NCALD: variants seen among roughly 807,000 people sequenced by gnomAD.
NCALD encodes the protein neurocalcin delta.
A neutral mutation model predicts 18.6 loss-of-function variants in NCALD; 10 were observed. The ratio of observed to expected loss-of-function variants is 0.54; its 90% confidence interval spans 0.33 to 0.91. The LOEUF (loss-of-function observed/expected upper bound fraction) is 0.91. Ranked by LOEUF, NCALD falls within the 40% of genes least tolerant of loss-of-function variation. The pLI, the probability that NCALD is intolerant of heterozygous loss-of-function variation, is 0.03. For missense variants in NCALD, 184 were observed against 247.6 expected (o/e 0.74, Z 1.72); for synonymous variants, 88 against 87.4 (o/e 1.01, Z -0.04).
At chr8:101,954,291 G>A (rs1214288065) in intron 2 of NCALD, among the ~76,000 whole-genome samples, 2 of 152,148 alleles carry the variant, frequency 1.3e-5, no homozygotes, top group Admixed American at 1.3e-4. Flanking sequence ...TTTCTCCTTT[G>A]AAAGTTCCTC....
chr8:101,821,971 G>A (rs1813741730), intron 4 of NCALD, among the ~76,000 whole-genome samples: 1 of 151,636 alleles, frequency 6.6e-6, no homozygotes, highest in South Asian at 2.1e-4. Context: ...TTAGACAGAG[G>A]TCTCCTGGCT....
rs1324628655 is a variant in NCALD at position 101,719,322 on chromosome 8, C to A, written c.308G>T (p.Trp103Leu). Residue 103 changes from tryptophan (W) to leucine (L), a missense_variant, in exon 2 of 4, where the codon TGG becomes TTG. Transcript: ENST00000220931. ...SRGKLEQKLK[W>L]AFSMYDLDGN... is the part of the protein sequence containing the mutation. ...GTCCAGGTCGTACATGCTGAAGGCC[C>A]ATTTCAGCTTCTGCTCCAGCTTCCC... is the stretch of plus-strand genomic sequence containing the variant. The A allele has an allele frequency of 6.2e-7, 1 of 1,614,064 alleles. No individual in the cohort carries two copies. The highest frequency in any genetic ancestry group is 8.5e-7 in the Non-Finnish European group (1 of 1,180,018).
intron 4 of NCALD, among the ~76,000 whole-genome samples, chr8:101,826,629 G>C (rs188140615): frequency 6.6e-6 from 1 of 152,156 alleles, no homozygotes. Flanking sequence ...TGAATAGATC[G>C]ATTTTTAACC....
intron 4 of NCALD, among the ~76,000 whole-genome samples, chr8:101,863,225 G>C (rs1815618408): frequency 6.6e-6 from 1 of 152,182 alleles, no homozygotes; most frequent in African/African-American, 2.4e-5. Context: ...GTGGTATAGA[G>C]GAAGATTGGA....
chr8:101,904,537 C>T (rs1817546460), intron 3 of NCALD, among the ~76,000 whole-genome samples: 1 of 152,126 alleles, frequency 6.6e-6, no homozygotes, highest in East Asian at 1.9e-4. Flanking sequence ...CCCTTCACCA[C>T]CACCCCTCTT....
intron 2 of NCALD, among the ~76,000 whole-genome samples, chr8:101,936,673 T>C (rs1818775190): frequency 6.6e-6 from 1 of 152,126 alleles, no homozygotes; most frequent in African/African-American, 2.4e-5. Context: ...GATGGTGAGG[T>C]CTGGACATTA....
intron 1 of NCALD, among the ~76,000 whole-genome samples, chr8:102,107,399 G>T (rs1313576354): frequency 6.6e-6 from 1 of 151,748 alleles, no homozygotes; most frequent in Non-Finnish European, 1.5e-5. Context: ...TTTCTAAAAG[G>T]CAATAATCAA....
chr8:101,792,978 A>G (rs1484252069), upstream of NCALD, among the ~76,000 whole-genome samples: 2 of 151,988 alleles, frequency 1.3e-5, no homozygotes, highest in Non-Finnish European at 2.9e-5. Flanking sequence ...TTTTACTTTG[A>G]CTGGTTTAGC....
At chr8:102,017,501 G>C (rs1340414264) in intron 2 of NCALD, among the ~76,000 whole-genome samples, 2 of 152,160 alleles carry the variant, frequency 1.3e-5, no homozygotes, top group African/African-American at 4.8e-5. Flanking sequence ...ATCACCTGAG[G>C]TCAGGTGTTT....
intron 2 of NCALD, among the ~76,000 whole-genome samples, chr8:102,009,624 A>C (rs752522124): frequency 6.6e-6 from 1 of 152,244 alleles, no homozygotes; most frequent in Non-Finnish European, 1.5e-5. Context: ...CAAATATCTC[A>C]TAAAAGATTA....
chr8:102,002,897 G>C lies in NCALD; in HGVS notation c.-157+17340C>G, dbSNP rs554946151. Among the ~76,000 whole-genome samples the C allele has an allele frequency of 2.6e-4, 39 of 152,028 alleles. No homozygotes were observed. In the South Asian group the frequency reaches 7.5e-3, roughly 29 times the overall value. On this transcript the variant is annotated intron_variant, in intron 2 of 6. Coordinates refer to the NCALD transcript ENST00000311028. ...AAAGCAGTGTGTAGAGGGAAATTTA[G>C]AGCACTAAGGGCCCACAAGAGAAAG...
At chr8:101,759,533 T>A (rs1811027015) in intron 1 of NCALD, among the ~76,000 whole-genome samples, 2 of 152,178 alleles carry the variant, frequency 1.3e-5, no homozygotes, top group Admixed American at 1.3e-4. Flanking sequence ...GAATTCAAAG[T>A]GGGTCTTGAA....
At chr8:102,017,676 C>T (rs1419759736) in intron 2 of NCALD, among the ~76,000 whole-genome samples, 1 of 152,186 alleles carries the variant, frequency 6.6e-6, no homozygotes, top group Non-Finnish European at 1.5e-5. Context: ...GCCTGGGTGA[C>T]AGAGCAAGAC....
intron 2 of NCALD, among the ~76,000 whole-genome samples, chr8:101,996,978 G>T (rs1803998154): frequency 1.3e-5 from 2 of 152,236 alleles, no homozygotes; most frequent in Non-Finnish European, 2.9e-5. Context: ...GCACAGGTCA[G>T]ATCAATAAGA....
intron 4 of NCALD, among the ~76,000 whole-genome samples, chr8:101,840,260 G>A (rs1288432163): frequency 6.6e-6 from 1 of 152,148 alleles, no homozygotes; most frequent in African/African-American, 2.4e-5. Context: ...AAAGAAAATA[G>A]TGATAGAAAT....
intron 2 of NCALD, among the ~76,000 whole-genome samples, chr8:102,016,522 A>G (rs965149544): frequency 2.6e-5 from 4 of 152,222 alleles, no homozygotes; most frequent in African/African-American, 9.6e-5. Context: ...GAGCTTAGAC[A>G]TGGAGAAAAA....
intron 1 of NCALD, among the ~76,000 whole-genome samples, chr8:102,110,677 A>T (rs569451004): frequency 6.6e-6 from 1 of 152,340 alleles, no homozygotes; most frequent in African/African-American, 2.4e-5. Context: ...CGGAAAAGTA[A>T]ATTGGCTTTT....
chr8:101,754,890 G>GAATCAATCAAAAATA, intron 1 of NCALD, among the ~76,000 whole-genome samples: 1 of 152,268 alleles, frequency 6.6e-6, no homozygotes, highest in East Asian at 1.9e-4. Flanking sequence ...ATGGATGGAT[G>GAATCAATCAAAAATA]AATCAATCAG....
chr8:101,918,143 T>A (rs1326770910), intron 2 of NCALD, among the ~76,000 whole-genome samples: 1 of 152,196 alleles, frequency 6.6e-6, no homozygotes, highest in Non-Finnish European at 1.5e-5. Context: ...CATGATCAAG[T>A]AGGCTTCATT....
Sources: allele counts gnomAD v4.1 joint callset (sites outside exome capture counted in the v4.1 genomes callset), GRCh38; gene constraint gnomAD v4.1.1; transcripts MANE v1.5; gene names NCBI Gene and HGNC (gene_info 2026-07-23, HGNC 2026-07-21).